The following RBFOX1 variants were observed in gnomAD, a reference collection of about 807,000 sequenced individuals.
RBFOX1 encodes the protein RNA binding fox-1 homolog 1.
RBFOX1 carries 8 observed loss-of-function variants against 57.7 expected under a neutral mutation model. That is an observed-to-expected ratio of 0.14 (90% CI 0.08 to 0.25). The LOEUF is 0.25. RBFOX1 is among the 10% of genes least tolerant of loss of function. The pLI is 1.00. For missense variants in RBFOX1, 611 were observed against 548.5 expected (o/e 1.11, Z -1.14); for synonymous variants, 326 against 222.4 (o/e 1.47, Z -4.15).
intron 2 of RBFOX1, among the ~76,000 whole-genome samples, chr16:5,576,273 G>C (rs893471384): frequency 7.9e-5 from 12 of 152,188 alleles, no homozygotes; most frequent in Non-Finnish European, 1.5e-5. Context: ...GATTACAGGC[G>C]TGAGCCACTA....
At chr16:6,685,296 G>GA (rs2059265935) in intron 3 of RBFOX1, among the ~76,000 whole-genome samples, 1 of 97,044 alleles carries the variant, frequency 1.0e-5, no homozygotes, top group Non-Finnish European at 1.9e-5. Flanking sequence ...TTTTTTTTGA[G>GA]ATGGAGTCTC....
intron 1 of RBFOX1, among the ~76,000 whole-genome samples, chr16:5,455,666 A>T (rs2068608476): frequency 6.6e-6 from 1 of 151,884 alleles, no homozygotes; most frequent in Admixed American, 6.6e-5. Context: ...TTTACTCTCC[A>T]TGCATATGAT....
chr16:6,380,161 C>A (rs962812042), intron 2 of RBFOX1, among the ~76,000 whole-genome samples: 1 of 152,006 alleles, frequency 6.6e-6, no homozygotes, highest in Non-Finnish European at 1.5e-5. Context: ...TAGACAGTTG[C>A]TTTAAATAGC....
At chr16:6,868,872 G>A (rs1322833985) in intron 3 of RBFOX1, among the ~76,000 whole-genome samples, 1 of 152,180 alleles carries the variant, frequency 6.6e-6, no homozygotes, top group African/African-American at 2.4e-5. Flanking sequence ...GCAGGGAGGT[G>A]ATGTGACTTT....
intron 3 of RBFOX1, among the ~76,000 whole-genome samples, chr16:5,753,545 C>A (rs1454072729): frequency 6.6e-6 from 1 of 152,206 alleles, no homozygotes; most frequent in African/African-American, 2.4e-5. Flanking sequence ...GACCTCTCCT[C>A]CAGTGGTGTG....
At chr16:6,599,100 G>C (rs774590594) in intron 2 of RBFOX1, among the ~76,000 whole-genome samples, 3 of 152,190 alleles carry the variant, frequency 2.0e-5, no homozygotes, top group East Asian at 1.9e-4. Flanking sequence ...ATACCAGTCA[G>C]TATGTTCCAA....
chr16:6,873,316 G>T (rs1565632), intron 3 of RBFOX1, among the ~76,000 whole-genome samples: 120,301 of 152,008 alleles, frequency 0.79, 48,297 homozygotes, highest in African/African-American at 0.92. Context: ...GCTTCCTTAT[G>T]TTGGAGGGGG....
intron 3 of RBFOX1, among the ~76,000 whole-genome samples, chr16:5,726,855 G>A (rs1432869275): frequency 1.3e-5 from 2 of 152,096 alleles, no homozygotes; most frequent in African/African-American, 4.8e-5. Context: ...AGCTACAATC[G>A]TATTGTTTTT....
intron 4 of RBFOX1, among the ~76,000 whole-genome samples, chr16:7,056,273 C>T (rs192765702): frequency 4.6e-5 from 7 of 152,280 alleles, no homozygotes; most frequent in South Asian, 2.1e-4. Flanking sequence ...TCGGTTGTTA[C>T]GCACACTACA....
At chr16:6,767,482 C>G (rs1054562829) in intron 3 of RBFOX1, among the ~76,000 whole-genome samples, 13 of 152,108 alleles carry the variant, frequency 8.5e-5, no homozygotes, top group Non-Finnish European at 1.6e-4. Flanking sequence ...GAATACATTT[C>G]TTTTTTTGCT....
intron 1 of RBFOX1, among the ~76,000 whole-genome samples, chr16:6,127,761 A>G (rs1054860090): frequency 6.6e-6 from 1 of 152,234 alleles, no homozygotes; most frequent in African/African-American, 2.4e-5. Context: ...GATGTTAATA[A>G]CAAATTCTCA....
chr16:7,380,085 T>G (rs1435257450), intron 4 of RBFOX1, among the ~76,000 whole-genome samples: 1 of 152,166 alleles, frequency 6.6e-6, no homozygotes, highest in Non-Finnish European at 1.5e-5. Flanking sequence ...CTGGAACTCT[T>G]GGCCTCAAGT....
chr16:7,473,304 G>A (rs2061944077), intron 4 of RBFOX1, among the ~76,000 whole-genome samples: 2 of 151,692 alleles, frequency 1.3e-5, no homozygotes, highest in Non-Finnish European at 2.9e-5. Context: ...CTTGAACTCA[G>A]GAGGCGGAGG....
chr16:6,770,707 C>T (rs868103632), intron 3 of RBFOX1, among the ~76,000 whole-genome samples: 2 of 152,122 alleles, frequency 1.3e-5, no homozygotes, highest in African/African-American at 4.8e-5. Flanking sequence ...GAGGCAGATG[C>T]AGATGAGAGG....
chr16:5,781,307 C>T (rs1025939319), intron 3 of RBFOX1, among the ~76,000 whole-genome samples: 2 of 152,136 alleles, frequency 1.3e-5, no homozygotes, highest in African/African-American at 4.8e-5. Flanking sequence ...TTATCCATAG[C>T]CTCCTCCTCT....
intron 10 of RBFOX1, chr16:7,614,112 A>C (rs1300838364): frequency 1.3e-5 from 2 of 152,218 alleles, no homozygotes; most frequent in Non-Finnish European, 2.9e-5. Flanking sequence ...ATCAATGGCC[A>C]TAGGGAGCAG....
intron 3 of RBFOX1, among the ~76,000 whole-genome samples, chr16:7,042,044 A>T (rs1010767106): frequency 2.6e-5 from 4 of 152,140 alleles, no homozygotes; most frequent in Non-Finnish European, 5.9e-5. Flanking sequence ...TTGGGGAGAA[A>T]ACTGGATCTA....
At chr16:6,631,240 A>G (rs2098381135) in intron 2 of RBFOX1, among the ~76,000 whole-genome samples, 1 of 152,108 alleles carries the variant, frequency 6.6e-6, no homozygotes, top group Admixed American at 6.5e-5. Flanking sequence ...AAGGAAGATA[A>G]GGACAAGTAA....
At chr16:7,146,688 C>T (rs992642973) in intron 4 of RBFOX1, among the ~76,000 whole-genome samples, 1 of 151,996 alleles carries the variant, frequency 6.6e-6, no homozygotes, top group African/African-American at 2.4e-5. Context: ...GTGGCTCATG[C>T]CTGCAATCCT....
Sources: allele counts gnomAD v4.1 joint callset (sites outside exome capture counted in the v4.1 genomes callset), GRCh38; gene constraint gnomAD v4.1.1; transcripts MANE v1.5; gene names NCBI Gene and HGNC (gene_info 2026-07-23, HGNC 2026-07-21).